CDH11: variants seen among roughly 807,000 people sequenced by gnomAD.
The protein encoded by CDH11 is cadherin-11.
Under a neutral mutation model 67.8 loss-of-function variants are expected in CDH11, and 11 were observed. That is an observed-to-expected ratio of 0.16 (90% CI 0.10 to 0.27). The LOEUF is 0.27. Ranked by LOEUF, CDH11 falls within the 10% of genes least tolerant of loss-of-function variation. The probability of loss-of-function intolerance (pLI) is 1.00; values close to 1 mark genes in which losing one functional copy is unlikely to be tolerated. For synonymous variants in CDH11, 419 were observed against 400.0 expected (o/e 1.05, Z -0.57); for missense variants, 847 against 1,031.2 (o/e 0.82, Z 2.45).
intron 1 of CDH11, among the ~76,000 whole-genome samples, chr16:65,072,910 T>C (rs995134687): frequency 1.3e-5 from 2 of 152,190 alleles, no homozygotes; most frequent in South Asian, 4.1e-4. Context: ...TGGGGTTTCC[T>C]ATAAAAATTA....
At chr16:64,995,213 T>C (rs2072733395) in intron 4 of CDH11, among the ~76,000 whole-genome samples, 1 of 149,782 alleles carries the variant, frequency 6.7e-6, no homozygotes, top group Non-Finnish European at 1.5e-5. Context: ...AGCAACATCA[T>C]TTTTTCACAG....
intron 1 of CDH11, among the ~76,000 whole-genome samples, chr16:65,089,605 T>C (rs2074760954): frequency 6.6e-6 from 1 of 152,102 alleles, no homozygotes; most frequent in Non-Finnish European, 1.5e-5. Context: ...AACTTTTGAT[T>C]CAAGTAACAA....
At position 64,993,032 on chromosome 16, in the gene CDH11, T is replaced by C. The variant is rs752210173; in HGVS notation, c.526A>G (p.Thr176Ala). The C allele has an allele frequency of 6.2e-7, 1 of 1,610,270 alleles. No individual in the cohort carries two copies. The highest frequency in any genetic ancestry group is 8.5e-7 in the Non-Finnish European group (1 of 1,176,626). Residue 176 changes from threonine to alanine, a missense_variant and splice_region_variant, in exon 5 of 13, where the codon ACG becomes GCG. Around this residue, in one of 2 missense-constraint regions of CDH11, gnomAD observed 235 missense variants for 352.5 expected, o/e 0.67. Coordinates refer to ENST00000268603, the MANE Select transcript of CDH11 (RefSeq NM_001797.4). ...GAAGCTGTCACCTGGATTACTGACG[T>C]TCCTTAAAAGTGAAATAAATTAATT... ...ANVPERSNVG[T>A]SVIQVTASDA...
chr16:65,076,055 G>A (rs757798904), intron 1 of CDH11, among the ~76,000 whole-genome samples: 9 of 152,168 alleles, frequency 5.9e-5, no homozygotes, highest in Non-Finnish European at 1.3e-4. Flanking sequence ...GAGGGGCTGT[G>A]AGCTGCAGTC....
At chr16:64,957,282 A>C (rs1284225599) in intron 11 of CDH11, among the ~76,000 whole-genome samples, 1 of 152,158 alleles carries the variant, frequency 6.6e-6, no homozygotes, top group African/African-American at 2.4e-5. Flanking sequence ...AAAAGGCCAC[A>C]GGGCACTTCA....
At chr16:65,088,121 A>G (rs899632365) in intron 1 of CDH11, among the ~76,000 whole-genome samples, 3 of 152,178 alleles carry the variant, frequency 2.0e-5, no homozygotes, top group Admixed American at 2.0e-4. Context: ...CAGCGTCCTT[A>G]CAAACGAAGC....
chr16:65,070,523 C>T lies in CDH11; in HGVS notation c.-297-16595G>A, dbSNP rs74683972. 4.5e-3 allele frequency among the ~76,000 whole-genome samples: 680 copies of T among 152,284 alleles called. 5 individuals carry two copies. The highest frequency in any genetic ancestry group is 0.015 in the African/African-American group (619 of 41,548). On this transcript the variant is annotated intron_variant, in intron 1 of 12. Coordinates refer to ENST00000268603, the MANE Select transcript of CDH11 (RefSeq NM_001797.4). ...CTCTAATGACAAACTCACAGCATTGCCCTGAAGATTAAAGAAGGGGTATAC... is the reference window on the plus strand; with the variant it reads ...CTCTAATGACAAACTCACAGCATTGTCCTGAAGATTAAAGAAGGGGTATAC...
intron 11 of CDH11, among the ~76,000 whole-genome samples, chr16:64,960,290 T>C (rs2071638786): frequency 1.3e-5 from 2 of 152,210 alleles, no homozygotes; most frequent in Non-Finnish European, 2.9e-5. Context: ...ATTCTTTCCA[T>C]AATAATAACT....
At chr16:64,956,329 A>T (rs534027807) in intron 11 of CDH11, among the ~76,000 whole-genome samples, 2 of 151,338 alleles carry the variant, frequency 1.3e-5, no homozygotes, top group South Asian at 2.1e-4. Context: ...GTAAATATTA[A>T]TTCTTTTCTG....
chr16:64,973,461 T>C (rs1372069833), intron 8 of CDH11, among the ~76,000 whole-genome samples: 3 of 152,198 alleles, frequency 2.0e-5, no homozygotes, highest in Non-Finnish European at 4.4e-5. Flanking sequence ...TTCAAGTGTA[T>C]TTAAATTTAT....
At position 64,945,048 on chromosome 16, in the gene CDH11, A is replaced by G. The variant is rs1289848191; in HGVS notation, c.*2555T>C. The G allele has an allele frequency of 4.8e-6, 1 of 206,472 alleles. No individual in the cohort carries two copies. The highest frequency in any genetic ancestry group is 2.3e-5 in the African/African-American group (1 of 43,932). 12.8% of individuals were successfully genotyped at this position (206,472 alleles called of 1,614,324 possible). A position where few individuals can be genotyped will look rare whatever the true frequency, so the allele number is the denominator to read the frequency against. On this transcript the variant is annotated 3_prime_UTR_variant, in exon 13 of 13. Coordinates refer to ENST00000268603, the MANE Select transcript of CDH11 (RefSeq NM_001797.4). ...ATTTTGATGAATTAATGAATGAATC[A>G]ATGAATGAATGATGACTAGAAACAA...
chr16:65,090,404 A>G (rs1201500544), intron 1 of CDH11, among the ~76,000 whole-genome samples: 1 of 152,108 alleles, frequency 6.6e-6, no homozygotes, highest in Admixed American at 6.6e-5. Flanking sequence ...CACTATCACC[A>G]CCACCAACAG....
chr16:65,086,025 GTGCTATTTTGA>G (rs1360987798), intron 1 of CDH11, among the ~76,000 whole-genome samples: 5 of 152,196 alleles, frequency 3.3e-5, no homozygotes, highest in African/African-American at 1.2e-4. Context: ...GGGTCTTGTG[GTGCTATTTTGA>G]TGCTGCTTTT....
At chr16:64,960,430 A>T (rs1337421152) in intron 11 of CDH11, among the ~76,000 whole-genome samples, 2 of 152,184 alleles carry the variant, frequency 1.3e-5, no homozygotes, top group Admixed American at 1.3e-4. Flanking sequence ...CAGAGCTCAG[A>T]TTCTAGTGGG....
intron 9 of CDH11, among the ~76,000 whole-genome samples, chr16:64,972,318 A>C (rs1434946520): frequency 6.6e-6 from 1 of 152,188 alleles, no homozygotes; most frequent in African/African-American, 2.4e-5. Flanking sequence ...GCTGAGCTTT[A>C]ATTCTAAAGG....
chr16:64,944,822 T>C lies in CDH11; in HGVS notation c.*2781A>G, dbSNP rs910608416. 1 of 227,890 alleles carries C rather than the reference T, an allele frequency of 4.4e-6. No individual in the cohort carries two copies. Among genetic ancestry groups the C allele is most frequent in the East Asian group, 6.3e-5 (1 of 15,930 alleles). The allele number at this position is 227,890 out of a possible 1,614,324, so 14.1% of individuals were successfully genotyped here. Reference sequence around the variant, plus strand: ...ATATCTCACCATCTCCTTCCTGTTATATCTTTTATGTTCTTCCTTCAATTT... The same window carrying C: ...ATATCTCACCATCTCCTTCCTGTTACATCTTTTATGTTCTTCCTTCAATTT... On this transcript the variant is annotated 3_prime_UTR_variant, in exon 13 of 13. Coordinates refer to ENST00000268603, the MANE Select transcript of CDH11 (RefSeq NM_001797.4).
chr16:65,030,909 A>G (rs1254244254), intron 2 of CDH11, among the ~76,000 whole-genome samples: 1 of 152,176 alleles, frequency 6.6e-6, no homozygotes, highest in African/African-American at 2.4e-5. Flanking sequence ...AGTAAAACTC[A>G]AGGAAGGATC....
At chr16:65,033,617 G>A (rs1320039991) in intron 2 of CDH11, among the ~76,000 whole-genome samples, 2 of 151,968 alleles carry the variant, frequency 1.3e-5, no homozygotes, top group Admixed American at 6.6e-5. Context: ...TGTGCCTGTA[G>A]TCCCAGCTAC....
At chr16:64,963,149 TCCA>T (rs2071718574) in intron 11 of CDH11, among the ~76,000 whole-genome samples, 2 of 152,214 alleles carry the variant, frequency 1.3e-5, no homozygotes, top group Admixed American at 6.5e-5. Flanking sequence ...GTTGGAATTA[TCCA>T]GCTGGAAATT....
Sources: gnomAD v4.1 joint callset for allele counts (sites outside exome capture counted in the v4.1 genomes callset) on GRCh38, gnomAD v4.1.1 for gene constraint, gnomAD v4.1.1 regional missense constraint, MANE v1.5 for transcripts, NCBI Gene and HGNC (gene_info 2026-07-23, HGNC 2026-07-21) for gene names.